Variants in PCTP observed in about 807,000 individuals in gnomAD.
The protein encoded by PCTP is phosphatidylcholine transfer protein.
Under a neutral mutation model 31.0 loss-of-function variants are expected in PCTP, and 27 were observed. The ratio of observed to expected loss-of-function variants is 0.87; its 90% CI spans 0.64 to 1.20. PCTP has a LOEUF of 1.20. PCTP is among the 50% of genes most tolerant of loss of function. The probability of loss-of-function intolerance (pLI) is 0.00; values close to 1 mark genes in which losing one functional copy is unlikely to be tolerated. For missense variants in PCTP, 287 were observed against 268.2 expected (o/e 1.07, Z -0.49); for synonymous variants, 108 against 101.2 (o/e 1.07, Z -0.40).
At chr17:55,833,793 G>A (rs1905685473) in intron 5 of PCTP, among the ~76,000 whole-genome samples, 1 of 152,198 alleles carries the variant, frequency 6.6e-6, no homozygotes, top group African/African-American at 2.4e-5. Context: ...CCCGCTGAAA[G>A]ACCTTGCCTC....
chr17:55,803,115 A>G (rs923961215), intron 3 of PCTP, among the ~76,000 whole-genome samples: 1 of 152,140 alleles, frequency 6.6e-6, no homozygotes, highest in Non-Finnish European at 1.5e-5. Flanking sequence ...CACAATTGCT[A>G]CAAAGAGAAT....
intron 5 of PCTP, among the ~76,000 whole-genome samples, chr17:55,834,658 T>A (rs1272385250): frequency 2.0e-5 from 3 of 151,678 alleles, no homozygotes; most frequent in Non-Finnish European, 4.4e-5. Context: ...ATGGGTAGAG[T>A]TTTCTGAAAA....
Position 55,803,487 on chromosome 17 carries a change from G to C in PCTP, c.317+15833G>C, listed in dbSNP as rs534584753. ...CTACAAGACTACAGTAACCAAAACA[G>C]CATGGTCCTGGTACCAAAACAGATA... On this transcript the variant is annotated intron_variant, in intron 3 of 3. Transcript: ENST00000572536. Among the ~76,000 whole-genome samples the C allele has an allele frequency of 2.0e-5, 3 of 152,276 alleles. No homozygotes were observed. In the East Asian group the frequency reaches 5.8e-4, roughly 29 times the overall value.
In PCTP at chr17:55,771,161, C is replaced by T. The variant is rs570487901; in HGVS notation, c.315C>T (p.Tyr105=). 8 of 1,612,032 alleles carry T rather than the reference C, an allele frequency of 5.0e-6. No homozygotes were observed. Among genetic ancestry groups the T allele is most frequent in the Admixed American group, 3.3e-5 (2 of 59,992 alleles). The part of the protein sequence containing the change: ...GETVVYWEVK[Y]PFPMSNRDYV... Reference sequence around the variant, plus strand: ...CTGTGGTCTACTGGGAAGTGAAGTACCCTTTTCCCATGTCCAACAGAGACG... The same window carrying T: ...CTGTGGTCTACTGGGAAGTGAAGTATCCTTTTCCCATGTCCAACAGAGACG... Residue 105 remains tyrosine (Y), a synonymous_variant, in exon 3 of 6, where the codon TAC becomes TAT. Transcript: ENST00000268896.
chr17:55,818,170 G>C (rs1027732650), intron 3 of PCTP, among the ~76,000 whole-genome samples: 1 of 152,242 alleles, frequency 6.6e-6, no homozygotes, highest in Non-Finnish European at 1.5e-5. Flanking sequence ...GGGGGAGGCA[G>C]TTGGCTGAGA....
chr17:55,846,913 G>A, downstream of PCTP, among the ~76,000 whole-genome samples: 2 of 152,070 alleles, frequency 1.3e-5, no homozygotes, highest in Middle Eastern at 3.4e-3. Flanking sequence ...TCATTTTCCT[G>A]CCATTGAGTT....
At chr17:55,818,662 A>G (rs1913008913) in intron 3 of PCTP, among the ~76,000 whole-genome samples, 1 of 152,218 alleles carries the variant, frequency 6.6e-6, no homozygotes, top group African/African-American at 2.4e-5. Context: ...CAGGAGTGAA[A>G]AGGAAATTCT....
At chr17:55,771,559 GT>G (rs1185629224) in intron 3 of PCTP, among the ~76,000 whole-genome samples, 2 of 152,192 alleles carry the variant, frequency 1.3e-5, no homozygotes, top group Non-Finnish European at 2.9e-5. Flanking sequence ...TCCCAAAGAG[GT>G]GATAGGACAG....
chr17:55,831,432 C>T (rs1352689798), intron 5 of PCTP, among the ~76,000 whole-genome samples: 5 of 152,158 alleles, frequency 3.3e-5, no homozygotes, highest in African/African-American at 9.7e-5. Flanking sequence ...CCCTGTTCTG[C>T]GGCTAATTCA....
downstream of PCTP, among the ~76,000 whole-genome samples, chr17:55,779,561 T>C (rs1333885011): frequency 6.6e-6 from 1 of 152,134 alleles, no homozygotes; most frequent in Non-Finnish European, 1.5e-5. Flanking sequence ...AGACAAGCCA[T>C]GTAGGGTCCT....
chr17:55,758,626 GAAATTTACTT>G (rs1244255226), intron 1 of PCTP, among the ~76,000 whole-genome samples: 4 of 152,220 alleles, frequency 2.6e-5, no homozygotes, highest in African/African-American at 9.6e-5. Flanking sequence ...TTATGGAGCT[GAAATTTACTT>G]GTGGGCAGAG....
At chr17:55,752,693 A>G (rs1909778963) in intron 1 of PCTP, among the ~76,000 whole-genome samples, 1 of 152,188 alleles carries the variant, frequency 6.6e-6, no homozygotes, top group South Asian at 2.1e-4. Flanking sequence ...GCAAGTGGCT[A>G]AGCTGCCATA....
chr17:55,835,924 T>C (rs746160098), intron 5 of PCTP, among the ~76,000 whole-genome samples: 5 of 152,200 alleles, frequency 3.3e-5, no homozygotes, highest in Non-Finnish European at 7.3e-5. Context: ...GCCCTGGAGA[T>C]TTGGAAGGAA....
At position 55,751,594 on chromosome 17, in the gene PCTP, G is replaced by A. The variant is rs1909718272; in HGVS notation, c.141+350G>A. On this transcript the variant is annotated intron_variant, in intron 1 of 5. Transcript: ENST00000268896. Reference sequence around the variant, plus strand: ...CGTTGATCCTCACTCTCCAATGCGTGTCAGTGGCATATGGGGGCTGGGGTG... The same window carrying A: ...CGTTGATCCTCACTCTCCAATGCGTATCAGTGGCATATGGGGGCTGGGGTG... 4.5e-6 allele frequency: 4 copies of A among 886,296 alleles called. 1 individual carries two copies. The Admixed American group carries it at 8.7e-5, about 19-fold the overall frequency. The allele number at this position is 886,296 out of a possible 1,614,324, so 54.9% of individuals were successfully genotyped here.
downstream of PCTP, among the ~76,000 whole-genome samples, chr17:55,777,711 A>G (rs1015356048): frequency 7.2e-5 from 11 of 152,202 alleles, no homozygotes; most frequent in African/African-American, 2.4e-4. Context: ...TGCACTTTCC[A>G]TAACTTAGAG....
chr17:55,789,131 G>A (rs1348416815), intron 3 of PCTP, among the ~76,000 whole-genome samples: 1 of 152,070 alleles, frequency 6.6e-6, no homozygotes, highest in Non-Finnish European at 1.5e-5. Flanking sequence ...TAATCACTTG[G>A]CATATTTAAA....
chr17:55,846,905 A>G (rs191318752), downstream of PCTP, among the ~76,000 whole-genome samples: 1 of 152,194 alleles, frequency 6.6e-6, no homozygotes, highest in Admixed American at 6.5e-5. Context: ...TTGACAAGTC[A>G]TTTTCCTGCC....
chr17:55,827,633 A>T (rs1482352836), downstream of PCTP, among the ~76,000 whole-genome samples: 3 of 152,242 alleles, frequency 2.0e-5, no homozygotes, highest in East Asian at 5.8e-4. Flanking sequence ...AACCTACCAC[A>T]GTCTCCAAAA....
At chr17:55,816,968 G>A (rs563194684) in intron 3 of PCTP, among the ~76,000 whole-genome samples, 5 of 152,242 alleles carry the variant, frequency 3.3e-5, no homozygotes, top group East Asian at 1.9e-4. Context: ...GAACTCCCCC[G>A]TCTGAGTAAA....
Sources: gnomAD v4.1 joint callset for allele counts (sites outside exome capture counted in the v4.1 genomes callset) on GRCh38, gnomAD v4.1.1 for gene constraint, MANE v1.5 for transcripts, NCBI Gene and HGNC (gene_info 2026-07-23, HGNC 2026-07-21) for gene names.